The following RNF183 variants were observed in gnomAD, a reference collection of about 807,000 sequenced individuals.
RNF183 encodes the protein ring finger protein 183, also known as E3 ubiquitin-protein ligase RNF183.
A neutral mutation model predicts 9.0 loss-of-function variants in RNF183; 4 were observed. That is an observed-to-expected ratio of 0.44 (90% confidence interval 0.22 to 1.01). The LOEUF is 1.01. Ranked by LOEUF, RNF183 falls within the 50% of genes least tolerant of loss-of-function variation. The probability of loss-of-function intolerance (pLI) is 0.25; values close to 1 mark genes in which losing one functional copy is unlikely to be tolerated. For synonymous variants in RNF183, 102 were observed against 107.5 expected (o/e 0.95, Z 0.32); for missense variants, 227 against 253.6 (o/e 0.89, Z 0.71).
chr9:113,297,957 C>G lies in RNF183; in HGVS notation c.228G>C (p.Thr76=), dbSNP rs534624109. 7 of 1,613,722 alleles carry G rather than the reference C, an allele frequency of 4.3e-6. No homozygotes were observed. The East Asian group carries it at 1.6e-4, about 36-fold the overall frequency. Residue 76 remains threonine, a synonymous_variant, in exon 5 of 5, where the codon ACG becomes ACC. Transcript: ENST00000489339. ...ASGQPVTDLP[T]DTAMLALLRL... The stretch of plus-strand genomic sequence containing the variant: ...GGAGCAGGGCGAGCATGGCAGTGTC[C>G]GTGGGCAAGTCAGTGACAGGCTGCC...
intron 2 of RNF183, 68 bp from the exon 3 acceptor site, chr9:113,301,819 G>A (rs1235084162): frequency 2.6e-5 from 4 of 152,184 alleles, no homozygotes; most frequent in African/African-American, 9.6e-5. Context: ...GGAGAACTAC[G>A]TCATCATCCA....
chr9:113,297,861 G>C lies in RNF183; in HGVS notation c.324C>G (p.Tyr108Ter). The C allele has an allele frequency of 6.2e-7, 1 of 1,608,996 alleles. No homozygotes were observed. Among genetic ancestry groups the C allele is most frequent in the Non-Finnish European group, 8.5e-7 (1 of 1,177,446 alleles). ...LCLKDQPKSR[Y>*]FLRQPQVYTL... ...TGTAGACTTGAGGCTGGCGCAGGAA[G>C]TAGCGGCTCTTGGGCTGGTCCTTGA... The change falls in exon 5 of 5, where the codon TAC (tyrosine) becomes TAG (stop). Residue 108 changes from tyrosine to a stop codon, truncating the protein, a stop_gained. Transcript: ENST00000489339. LOFTEE classifies it high-confidence loss of function.
Position 113,298,181 on chromosome 9 carries a change from C to A in RNF183, c.4G>T (p.Ala2Ser). The change falls in exon 5 of 5, where the codon GCT becomes TCT. Residue 2 changes from alanine (A) to serine (S), a missense_variant. By Grantham distance (99) the Ala-to-Ser change is moderately conservative. Coordinates refer to ENST00000489339, the MANE Select transcript of RNF183 (RefSeq NM_001371237.1). The surrounding 1 kb of genome is among the most constrained non-coding windows in gnomAD (Gnocchi z 4.9). Reference protein sequence around the residue: MAEQQGRELEAE... With the variant: MSEQQGRELEAE... ...TCAAGCTCCCGGCCCTGCTGCTCAG[C>A]CATCCTCAGCCACACACGGGGAGGC... 6.2e-7 allele frequency: 1 copy of A among 1,608,866 alleles called. No individual in the cohort carries two copies. The highest frequency in any genetic ancestry group is 8.5e-7 in the Non-Finnish European group (1 of 1,176,974).
Position 113,297,443 on chromosome 9 carries a change from G to GTTT in RNF183, c.*160_*162dup. On this transcript the variant is annotated 3_prime_UTR_variant, in exon 5 of 5. Transcript: ENST00000489339. ...AGTCCTTCAAGCTTTTCGTTTTTTT[G>GTTT]TTTTTTTTTAAAATTGTTCCCAGAA... 1 of 500,504 alleles carries GTTT rather than the reference G, an allele frequency of 2.0e-6. No individual in the cohort carries two copies. The highest frequency in any genetic ancestry group is 3.5e-6 in the Non-Finnish European group (1 of 288,086). The allele number at this position is 500,504 out of a possible 1,614,324, so 31.0% of individuals were successfully genotyped here.
chr9:113,299,546 A>G (rs996761325), intron 4 of RNF183, 26 bp downstream of exon 4: 4 of 152,160 alleles, frequency 2.6e-5, no homozygotes, highest in African/African-American at 9.7e-5. Flanking sequence ...AATGTGCCTA[A>G]GTAACTGCAA....
intron 1 of RNF183, among the ~76,000 whole-genome samples, chr9:113,302,716 C>T (rs1832952952): frequency 1.3e-5 from 2 of 152,182 alleles, no homozygotes; most frequent in Non-Finnish European, 2.9e-5. Context: ...CCTCTCTGAA[C>T]TTCATTTTCC....
At position 113,297,501 on chromosome 9, in the gene RNF183, TA is replaced by T; in HGVS notation, c.*104del. The T allele has an allele frequency of 1.3e-6, 1 of 742,876 alleles. No individual in the cohort carries two copies. Among genetic ancestry groups the T allele is most frequent in the Non-Finnish European group, 2.2e-6 (1 of 457,868 alleles). The allele number at this position is 742,876 out of a possible 1,614,324, so 46.0% of individuals were successfully genotyped here. Reference sequence around the variant, plus strand: ...CATGGCCTGAACAATCCCTGGATTGTAAAATAAACAACACTACAAAGGAAGA... The same window carrying T: ...CATGGCCTGAACAATCCCTGGATTGTAAATAAACAACACTACAAAGGAAGA... On this transcript the variant is annotated 3_prime_UTR_variant, in exon 5 of 5. Coordinates refer to ENST00000489339, the MANE Select transcript of RNF183 (RefSeq NM_001371237.1).
chr9:113,297,760 G>A lies in RNF183; in HGVS notation c.425C>T (p.Pro142Leu). ...AGAGTGGTGGCTGGGGATGAGGATG[G>A]GCGTAGACACGGTGGCAGAGGCCGT... ...PDTASATVST[P>L]ILIPSHHSLR... Residue 142 changes from proline to leucine, a missense_variant, in exon 5 of 5, where the codon CCC becomes CTC. Physicochemically the swap from Pro to Leu is moderately conservative, Grantham distance 98. Coordinates refer to ENST00000489339, the MANE Select transcript of RNF183 (RefSeq NM_001371237.1). 1 of 1,614,102 alleles carries A rather than the reference G, an allele frequency of 6.2e-7. No individual in the cohort carries two copies. The highest frequency in any genetic ancestry group is 8.5e-7 in the Non-Finnish European group (1 of 1,179,988).
rs757436407 is a variant in RNF183 at position 113,297,678 on chromosome 9, G to A, written c.507C>T (p.Val169=). 1.7e-5 allele frequency: 28 copies of A among 1,613,836 alleles called. No homozygotes were observed. Among genetic ancestry groups the A allele is most frequent in the Non-Finnish European group, 2.1e-5 (25 of 1,179,956 alleles). ...QFRIFAYLMA[V]ILSVTLLLIF... Reference sequence around the variant, plus strand: ...TGAGCAACAGAGTGACACTGAGGATGACGGCCATCAGGTAGGCAAAGATGC... The same window carrying A: ...TGAGCAACAGAGTGACACTGAGGATAACGGCCATCAGGTAGGCAAAGATGC... Residue 169 remains valine (V), a synonymous_variant, in exon 5 of 5, where the codon GTC becomes GTT. Coordinates refer to ENST00000489339, the MANE Select transcript of RNF183 (RefSeq NM_001371237.1).
chr9:113,301,368 T>C (rs946566323), intron 3 of RNF183, among the ~76,000 whole-genome samples: 6 of 152,236 alleles, frequency 3.9e-5, no homozygotes, highest in African/African-American at 1.4e-4. Context: ...CAGCTTATTA[T>C]GTTCTGAACA....
In RNF183 at chr9:113,297,805, T is replaced by TG. The variant is rs768668389; in HGVS notation, c.379dup (p.Gln127ProfsTer119). 5 of 1,611,102 alleles carry TG rather than the reference T, an allele frequency of 3.1e-6. No individual in the cohort carries two copies. The highest frequency in any genetic ancestry group is 1.7e-5 in the Admixed American group (1 of 59,570). ...GGCCGTGTCTGGGGGCGGCCCAGTCTGGCCCCCAGGCTGGGGGCCAAGGTC... is the reference window on the plus strand; with the variant it reads ...GGCCGTGTCTGGGGGCGGCCCAGTCTGGGCCCCCAGGCTGGGGGCCAAGGTC... On this transcript the variant is annotated frameshift_variant, in exon 5 of 5. Coordinates refer to ENST00000489339, the MANE Select transcript of RNF183 (RefSeq NM_001371237.1). LOFTEE classifies it high-confidence loss of function.
In RNF183 at chr9:113,298,427, C is replaced by T. The variant is rs1832808941; in HGVS notation, c.-37-206G>A. The T allele has an allele frequency of 1.8e-6, 1 of 546,466 alleles. No individual in the cohort carries two copies. The highest frequency in any genetic ancestry group is 2.3e-5 in the South Asian group (1 of 43,762). The allele number at this position is 546,466 out of a possible 1,614,324, so 33.9% of individuals were successfully genotyped here. ...GCCTCCCCTCTGTCAAGGTGAAGGC[C>T]TGGGCCACCCCTACCAAGAGCCCCC... On this transcript the variant is annotated intron_variant, in intron 4 of 4. Coordinates refer to ENST00000489339, the MANE Select transcript of RNF183 (RefSeq NM_001371237.1). This position sits in a 1 kb window ranked among gnomAD's most constrained non-coding sequence, Gnocchi z 4.9.
Position 113,297,727 on chromosome 9 carries a change from T to C in RNF183, c.458A>G (p.Glu153Gly). ...GCGGAACTGAGGGTTGCGGAAACAC[T>C]CCCTCAAAGAGTGGTGGCTGGGGAT... Reference protein sequence around the residue: ...ILIPSHHSLRECFRNPQFRIF... With the variant: ...ILIPSHHSLRGCFRNPQFRIF... The change falls in exon 5 of 5, where the codon GAG becomes GGG. Residue 153 changes from glutamate (E) to glycine (G), a missense_variant. Glu to Gly is a moderately conservative substitution (Grantham distance 98). Coordinates refer to ENST00000489339, the MANE Select transcript of RNF183 (RefSeq NM_001371237.1). 1 of 1,613,856 alleles carries C rather than the reference T, an allele frequency of 6.2e-7. No individual in the cohort carries two copies. Among genetic ancestry groups the C allele is most frequent in the Non-Finnish European group, 8.5e-7 (1 of 1,179,946 alleles).
rs1832855976 is a variant in RNF183, at chr9:113,299,711, C to G, written c.-177G>C. 1 of 152,182 alleles carries G rather than the reference C, an allele frequency of 6.6e-6. No homozygotes were observed. Among genetic ancestry groups the G allele is most frequent in the Admixed American group, 6.5e-5 (1 of 15,280 alleles). 9.4% of individuals were successfully genotyped at this position (152,182 alleles called of 1,614,324 possible). A position where few individuals can be genotyped will look rare whatever the true frequency, so the allele number is the denominator to read the frequency against. ...TCCAGCCCAGCTTCTCCGTTTCAACCAGAAATACTTGGCTTTTCTCTGTTT... is the reference window on the plus strand; with the variant it reads ...TCCAGCCCAGCTTCTCCGTTTCAACGAGAAATACTTGGCTTTTCTCTGTTT... On this transcript the variant is annotated 5_prime_UTR_variant, in exon 4 of 5. Transcript: ENST00000489339.
At position 113,298,628 on chromosome 9, in the gene RNF183, G is replaced by A. The variant is rs1179388474; in HGVS notation, c.-37-407C>T. The A allele has an allele frequency of 5.8e-6, 1 of 171,272 alleles. No homozygotes were observed. The highest frequency in any genetic ancestry group is 1.2e-5 in the Non-Finnish European group (1 of 80,374). 10.6% of individuals were successfully genotyped at this position (171,272 alleles called of 1,614,324 possible). The stretch of plus-strand genomic sequence containing the variant: ...TCCTTCCCTGCTACCTCAAATCCCT[G>A]ACTAGCGCAGAGATGGGTTTTGTGA... On this transcript the variant is annotated intron_variant, in intron 4 of 4. Coordinates refer to ENST00000489339, the MANE Select transcript of RNF183 (RefSeq NM_001371237.1). This position sits in a 1 kb window ranked among gnomAD's most constrained non-coding sequence, Gnocchi z 4.9.
rs910391871 is a variant in RNF183, at chr9:113,301,764, G to C, written c.-321-13C>G. On this transcript the variant is annotated splice_polypyrimidine_tract_variant and intron_variant, in intron 2 of 4. Transcript: ENST00000489339. ...CCATCAAGGACTTCTGCAAAGATGT[G>C]AGTAAAGAGATGCCCATCCAGGCGC... 2 of 152,228 alleles carry C rather than the reference G, an allele frequency of 1.3e-5. No homozygotes were observed. Among genetic ancestry groups the C allele is most frequent in the African/African-American group, 4.8e-5 (2 of 41,454 alleles). 9.4% of individuals were successfully genotyped at this position (152,228 alleles called of 1,614,324 possible). A position where few individuals can be genotyped will look rare whatever the true frequency, so the allele number is the denominator to read the frequency against.
Position 113,298,378 on chromosome 9 carries a change from C to A in RNF183, c.-37-157G>T. The stretch of plus-strand genomic sequence containing the variant: ...TCTTGATCACCAGTTCCTAACCCAT[C>A]GAGTTGAGTCAAATGCTCCTACAGC... On this transcript the variant is annotated intron_variant, in intron 4 of 4. Coordinates refer to ENST00000489339, the MANE Select transcript of RNF183 (RefSeq NM_001371237.1). This position sits in a 1 kb window ranked among gnomAD's most constrained non-coding sequence, Gnocchi z 4.9. The A allele has an allele frequency of 1.7e-6, 1 of 589,184 alleles. No homozygotes were observed. Among genetic ancestry groups the A allele is most frequent in the Non-Finnish European group, 3.0e-6 (1 of 332,448 alleles). The allele number at this position is 589,184 out of a possible 1,614,324, so 36.5% of individuals were successfully genotyped here.
chr9:113,299,276 T>G (rs1027999884), intron 4 of RNF183: 1 of 152,256 alleles, frequency 6.6e-6, no homozygotes, highest in African/African-American at 2.4e-5. Flanking sequence ...CCTGTGAGAT[T>G]GTGGGCAGTC....
chr9:113,299,664 G>A lies in RNF183; in HGVS notation c.-130C>T, dbSNP rs536288107. 3.9e-5 allele frequency: 6 copies of A among 152,320 alleles called. No individual in the cohort carries two copies. The highest frequency in any genetic ancestry group is 9.6e-5 in the African/African-American group (4 of 41,538). The allele number at this position is 152,320 out of a possible 1,614,324, so 9.4% of individuals were successfully genotyped here. ...CCCACCAACCTTAGGGAGTTAAAGCGGGGAGTTGGAGGGAGGCGCACTCCA... is the reference window on the plus strand; with the variant it reads ...CCCACCAACCTTAGGGAGTTAAAGCAGGGAGTTGGAGGGAGGCGCACTCCA... On this transcript the variant is annotated 5_prime_UTR_variant, in exon 4 of 5. Transcript: ENST00000489339.
Sources: allele counts gnomAD v4.1 joint callset (sites outside exome capture counted in the v4.1 genomes callset), GRCh38; gene constraint gnomAD v4.1.1; non-coding constraint Gnocchi (gnomAD v3.1); transcripts MANE v1.5; gene names NCBI Gene and HGNC (gene_info 2026-07-23, HGNC 2026-07-21).